Variants in NTRK2 observed in about 807,000 individuals in gnomAD.
The protein encoded by NTRK2 is neurotrophic receptor tyrosine kinase 2.
NTRK2 carries 13 observed loss-of-function variants against 94.5 expected under a neutral mutation model. The ratio of observed to expected loss-of-function variants is 0.14; its 90% confidence interval spans 0.09 to 0.22. The LOEUF is 0.22. NTRK2 is among the 10% of genes least tolerant of loss of function. The pLI, the probability that NTRK2 is intolerant of heterozygous loss-of-function variation, is 1.00. For missense variants in NTRK2, 639 were observed against 1,071.2 expected (o/e 0.60, Z 5.63); for synonymous variants, 372 against 407.4 (o/e 0.91, Z 1.05).
chr9:84,866,923 A>T (rs2075622526), intron 13 of NTRK2, among the ~76,000 whole-genome samples: 1 of 152,226 alleles, frequency 6.6e-6, no homozygotes, highest in South Asian at 2.1e-4. Flanking sequence ...AATGTGGATG[A>T]ATCTTAAAAA....
chr9:84,931,770 AGAGT>A (rs1024416598), intron 14 of NTRK2, among the ~76,000 whole-genome samples: 14 of 151,196 alleles, frequency 9.3e-5, no homozygotes, highest in African/African-American at 2.4e-5. Context: ...TGCTCTGGTT[AGAGT>A]GAGAAGTAAA....
At chr9:84,857,755 A>G (rs1389225696) in intron 12 of NTRK2, among the ~76,000 whole-genome samples, 3 of 152,166 alleles carry the variant, frequency 2.0e-5, no homozygotes, top group African/African-American at 2.4e-5. Context: ...ATTTGTGCCT[A>G]TAAGACAGGG....
intron 6 of NTRK2, among the ~76,000 whole-genome samples, chr9:84,718,524 C>T (rs778016948): frequency 1.5e-4 from 23 of 152,178 alleles, no homozygotes; most frequent in Non-Finnish European, 1.5e-4. Context: ...CAGGCCAGTA[C>T]ATCCTTCCTG....
At chr9:84,938,897 A>C (rs913016435) in intron 15 of NTRK2, among the ~76,000 whole-genome samples, 1 of 151,888 alleles carries the variant, frequency 6.6e-6, no homozygotes, top group Non-Finnish European at 1.5e-5. Flanking sequence ...CAAAAAATAC[A>C]AAAAGTTAGC....
At chr9:84,982,991 T>C (rs1316815364) in intron 17 of NTRK2, among the ~76,000 whole-genome samples, 1 of 152,130 alleles carries the variant, frequency 6.6e-6, no homozygotes, top group African/African-American at 2.4e-5. Context: ...CATGTGACTT[T>C]TGTTGGGCAA....
intron 14 of NTRK2, among the ~76,000 whole-genome samples, chr9:84,924,605 G>A (rs1217167414): frequency 1.3e-5 from 2 of 152,234 alleles, no homozygotes; most frequent in African/African-American, 2.4e-5. Context: ...ATGTCAAAGC[G>A]AAGGATGTAC....
At chr9:84,977,019 A>T (rs1826959821) in intron 17 of NTRK2, among the ~76,000 whole-genome samples, 1 of 152,248 alleles carries the variant, frequency 6.6e-6, no homozygotes, top group African/African-American at 2.4e-5. Flanking sequence ...TTTTCTATAA[A>T]GTCACTACAT....
chr9:84,977,876 T>C (rs1827089784), intron 17 of NTRK2, among the ~76,000 whole-genome samples: 1 of 152,228 alleles, frequency 6.6e-6, no homozygotes, highest in African/African-American at 2.4e-5. Flanking sequence ...TCTCAAACTT[T>C]TGCTTATTAT....
At position 84,702,194 on chromosome 9, in the gene NTRK2, A is replaced by C; in HGVS notation, c.248A>C (p.Asn83Thr). Residue 83 changes from asparagine to threonine, a missense_variant, in exon 3 of 19, where the codon AAC (asparagine) becomes ACC (threonine). By Grantham distance (65) the Asn-to-Thr change is moderately conservative. Coordinates refer to ENST00000277120, the MANE Select transcript of NTRK2 (RefSeq NM_006180.6). The part of the protein sequence containing the change: ...IANQKRLEII[N>T]EDDVEAYVGL... Reference sequence around the variant, plus strand: ...AACCAGAAAAGGTTAGAAATCATCAACGAAGATGATGTTGAAGCTTATGTG... The same window carrying C: ...AACCAGAAAAGGTTAGAAATCATCACCGAAGATGATGTTGAAGCTTATGTG... 1 of 1,614,174 alleles carries C rather than the reference A, an allele frequency of 6.2e-7. No homozygotes were observed. Among genetic ancestry groups the C allele is most frequent in the Non-Finnish European group, 8.5e-7 (1 of 1,179,996 alleles).
At chr9:85,009,146 C>T (rs972398527) in intron 17 of NTRK2, among the ~76,000 whole-genome samples, 5 of 152,154 alleles carry the variant, frequency 3.3e-5, no homozygotes, top group Admixed American at 6.5e-5. Flanking sequence ...AGCCTTTGGA[C>T]CCAAGATGGT....
chr9:84,759,102 A>G (rs1048800844), intron 12 of NTRK2, among the ~76,000 whole-genome samples: 2 of 152,228 alleles, frequency 1.3e-5, no homozygotes, highest in Non-Finnish European at 2.9e-5. Context: ...TTCAGAAAAG[A>G]CATTCAGTTG....
At chr9:84,873,627 G>T in intron 14 of NTRK2, 1 of 1,053,782 alleles carries the variant, frequency 9.5e-7, no homozygotes, top group Non-Finnish European at 1.1e-6. Context: ...GAAAGGAAAT[G>T]AATACATGCT....
At chr9:84,699,763 T>C (rs188512042) in intron 2 of NTRK2, among the ~76,000 whole-genome samples, 2 of 152,232 alleles carry the variant, frequency 1.3e-5, no homozygotes, top group African/African-American at 4.8e-5. Flanking sequence ...TAAATTGTTT[T>C]TTTTCTTTTT....
intron 17 of NTRK2, among the ~76,000 whole-genome samples, chr9:84,962,181 G>A (rs182674654): frequency 1.3e-5 from 2 of 152,164 alleles, no homozygotes; most frequent in Non-Finnish European, 2.9e-5. Context: ...AAATAGATCC[G>A]CCAAACAGAT....
chr9:84,693,151 A>G (rs2060156666), intron 2 of NTRK2, among the ~76,000 whole-genome samples: 1 of 152,208 alleles, frequency 6.6e-6, no homozygotes, highest in Non-Finnish European at 1.5e-5. Context: ...AAAATTTTCT[A>G]AAAAATAAAG....
chr9:84,925,583 C>T (rs2077734366), intron 14 of NTRK2, among the ~76,000 whole-genome samples: 1 of 152,154 alleles, frequency 6.6e-6, no homozygotes, highest in Admixed American at 6.5e-5. Flanking sequence ...ATCCTCTGTA[C>T]CATTAGGGGT....
At chr9:84,828,772 G>T (rs1254755687) in intron 12 of NTRK2, among the ~76,000 whole-genome samples, 1 of 152,154 alleles carries the variant, frequency 6.6e-6, no homozygotes, top group Non-Finnish European at 1.5e-5. Context: ...ATTTCCTTGT[G>T]TGATGTGTGA....
chr9:84,779,567 T>G (rs2067364397), intron 12 of NTRK2, among the ~76,000 whole-genome samples: 1 of 152,242 alleles, frequency 6.6e-6, no homozygotes, highest in Non-Finnish European at 1.5e-5. Flanking sequence ...AAGAGTTTTC[T>G]TGTTCTGCAA....
At chr9:84,883,941 A>T (rs903344123) in intron 14 of NTRK2, among the ~76,000 whole-genome samples, 6 of 152,246 alleles carry the variant, frequency 3.9e-5, no homozygotes, top group Non-Finnish European at 8.8e-5. Context: ...TCAGAATGTT[A>T]GTTGTATAAT....
Sources: allele counts gnomAD v4.1 joint callset (sites outside exome capture counted in the v4.1 genomes callset), GRCh38; gene constraint gnomAD v4.1.1; transcripts MANE v1.5; gene names NCBI Gene and HGNC (gene_info 2026-07-23, HGNC 2026-07-21).